GRIK2: variants seen among roughly 807,000 people sequenced by gnomAD.
GRIK2 encodes the protein glutamate ionotropic receptor kainate type subunit 2.
A neutral mutation model predicts 100.3 loss-of-function variants in GRIK2; 32 were observed. The ratio of observed to expected loss-of-function variants is 0.32; its 90% CI spans 0.24 to 0.43. The LOEUF (loss-of-function observed/expected upper bound fraction) is 0.43. Ranked by LOEUF, GRIK2 falls within the 20% of genes least tolerant of loss-of-function variation. The pLI, the probability that GRIK2 is intolerant of heterozygous loss-of-function variation, is 1.00. For synonymous variants in GRIK2, 417 were observed against 389.4 expected (o/e 1.07, Z -0.83); for missense variants, 843 against 1,114.9 (o/e 0.76, Z 3.47).
chr6:101,864,785 A>G (rs1043418449), intron 11 of GRIK2, among the ~76,000 whole-genome samples: 8 of 152,194 alleles, frequency 5.3e-5, no homozygotes. Flanking sequence ...TTTAAAACAA[A>G]TAATTGACTA....
At chr6:101,865,945 C>T (rs191052315) in intron 11 of GRIK2, among the ~76,000 whole-genome samples, 1 of 150,420 alleles carries the variant, frequency 6.6e-6, no homozygotes, top group Admixed American at 6.6e-5. Flanking sequence ...AAATTACAAC[C>T]AACAACAACA....
chr6:101,859,224 T>C, intron 10 of GRIK2, 63 bp from the exon 11 acceptor site: 2 of 831,560 alleles, frequency 2.4e-6, no homozygotes, highest in Non-Finnish European at 4.0e-6. Context: ...AGAAAAGCAA[T>C]AATTCTGATG....
intron 4 of GRIK2, among the ~76,000 whole-genome samples, chr6:101,638,362 G>T (rs1217861983): frequency 6.6e-6 from 1 of 151,668 alleles, no homozygotes; most frequent in Admixed American, 6.6e-5. Context: ...GTACACAATA[G>T]TATCAAACGT....
chr6:101,501,295 AG>A (rs760889078), intron 2 of GRIK2, among the ~76,000 whole-genome samples: 9 of 152,218 alleles, frequency 5.9e-5, no homozygotes, highest in African/African-American at 9.6e-5. Context: ...AAAACTACCA[AG>A]GGATCTTGAG....
At chr6:101,741,720 G>C (rs1470967468) in intron 7 of GRIK2, among the ~76,000 whole-genome samples, 1 of 152,050 alleles carries the variant, frequency 6.6e-6, no homozygotes, top group Admixed American at 6.6e-5. Context: ...AATCAGATAA[G>C]GGATGTTCAG....
intron 12 of GRIK2, among the ~76,000 whole-genome samples, chr6:101,906,500 T>C (rs1788241566): frequency 6.6e-6 from 1 of 151,488 alleles, no homozygotes; most frequent in African/African-American, 2.4e-5. Context: ...GCAAACGTAA[T>C]GCATGTTCTG....
intron 2 of GRIK2, among the ~76,000 whole-genome samples, chr6:101,530,883 G>A (rs954916311): frequency 1.3e-5 from 2 of 151,870 alleles, no homozygotes; most frequent in African/African-American, 4.8e-5. Context: ...AGACTGAAAG[G>A]GTAAGGAAGG....
chr6:101,710,594 A>G (rs1447614582), intron 7 of GRIK2, among the ~76,000 whole-genome samples: 1 of 151,864 alleles, frequency 6.6e-6, no homozygotes, highest in African/African-American at 2.4e-5. Flanking sequence ...CTTTATAATA[A>G]CTAAAGGTTT....
At chr6:101,430,926 A>G in intron 2 of GRIK2, 1 of 334,122 alleles carries the variant, frequency 3.0e-6, no homozygotes, top group Non-Finnish European at 6.1e-6. Context: ...CATGAGGTCC[A>G]GGTGCAGGAT....
intron 14 of GRIK2, among the ~76,000 whole-genome samples, chr6:101,975,665 C>T (rs944374164): frequency 2.0e-5 from 3 of 151,510 alleles, no homozygotes; most frequent in East Asian, 2.0e-4. Context: ...GTGGAAAAGG[C>T]CTAAGAGTGG....
intron 11 of GRIK2, among the ~76,000 whole-genome samples, chr6:101,860,218 A>G (rs965137892): frequency 6.6e-6 from 1 of 152,106 alleles, no homozygotes; most frequent in Non-Finnish European, 1.5e-5. Flanking sequence ...TTATAAATTT[A>G]GAAGAGGAGA....
At chr6:101,691,442 C>T (rs1253677978) in intron 7 of GRIK2, among the ~76,000 whole-genome samples, 1 of 151,692 alleles carries the variant, frequency 6.6e-6, no homozygotes, top group Non-Finnish European at 1.5e-5. Context: ...GGATTACAGG[C>T]GCACACCACC....
chr6:101,477,896 G>A (rs1481965391), intron 2 of GRIK2, among the ~76,000 whole-genome samples: 1 of 152,084 alleles, frequency 6.6e-6, no homozygotes, highest in Non-Finnish European at 1.5e-5. Context: ...CTGTCAGTAT[G>A]TCCTGCTTGC....
intron 15 of GRIK2, among the ~76,000 whole-genome samples, chr6:102,045,111 G>T (rs886983943): frequency 6.6e-6 from 1 of 151,870 alleles, no homozygotes; most frequent in African/African-American, 2.4e-5. Flanking sequence ...ATTACTTAGC[G>T]TAGCTGTGAG....
intron 7 of GRIK2, among the ~76,000 whole-genome samples, chr6:101,711,826 T>G (rs1285745990): frequency 6.6e-6 from 1 of 151,842 alleles, no homozygotes; most frequent in Non-Finnish European, 1.5e-5. Context: ...CAGCTACAAT[T>G]GGCCAAAATG....
chr6:102,003,272 GCACA>G (rs1795043420), intron 14 of GRIK2, among the ~76,000 whole-genome samples: 1 of 151,230 alleles, frequency 6.6e-6, no homozygotes, highest in Non-Finnish European at 1.5e-5. Flanking sequence ...AAATGGAATT[GCACA>G]CATATACATA....
At position 101,997,606 on chromosome 6, in the gene GRIK2, A is replaced by G. The variant is rs182547806; in HGVS notation, c.2086-37735A>G. On this transcript the variant is annotated intron_variant, in intron 14 of 16. Coordinates refer to ENST00000369134, the MANE Select transcript of GRIK2 (RefSeq NM_021956.5). ...CAGAAACTATCCTTTAATAAGAGTC[A>G]CCACACAGTGTTAATTCATTCCTAA... Among the ~76,000 whole-genome samples the G allele has an allele frequency of 3.3e-4, 50 of 152,198 alleles. 1 individual carries two copies. The highest frequency in any genetic ancestry group is 1.1e-3 in the African/African-American group (47 of 41,558).
intron 7 of GRIK2, among the ~76,000 whole-genome samples, chr6:101,702,858 A>G (rs1772991954): frequency 6.6e-6 from 1 of 151,832 alleles, no homozygotes; most frequent in South Asian, 2.1e-4. Context: ...TTGAGATGGA[A>G]ACAAGCAAGG....
chr6:101,462,599 A>G (rs1456626572), intron 2 of GRIK2, among the ~76,000 whole-genome samples: 1 of 149,398 alleles, frequency 6.7e-6, no homozygotes, highest in East Asian at 2.2e-4. Context: ...TAGTATCATT[A>G]CACACACTGA....
Sources: allele counts gnomAD v4.1 joint callset (sites outside exome capture counted in the v4.1 genomes callset), GRCh38; gene constraint gnomAD v4.1.1; transcripts MANE v1.5; gene names NCBI Gene and HGNC (gene_info 2026-07-23, HGNC 2026-07-21).